INPP4A: variants seen among roughly 807,000 people sequenced by gnomAD.
The protein encoded by INPP4A is inositol polyphosphate-4-phosphatase, type I, 107kD.
In INPP4A, 33 loss-of-function variants were observed where a neutral mutation model predicts 119.8. The observed-to-expected ratio is 0.28, with a 90% CI of 0.21 to 0.37. The LOEUF (loss-of-function observed/expected upper bound fraction) is 0.37. Among genes scored for constraint, INPP4A ranks in the 10% least tolerant of loss-of-function variants. The probability of loss-of-function intolerance (pLI) is 1.00; values close to 1 mark genes in which losing one functional copy is unlikely to be tolerated. For synonymous variants in INPP4A, 496 were observed against 500.7 expected, an observed-to-expected ratio of 0.99 and a Z score of 0.12; for missense variants, 956 against 1,289.9, an observed-to-expected ratio of 0.74 and a Z score of 3.97.
At chr2:98,473,388 A>C (rs1187360933) in intron 1 of INPP4A, among the ~76,000 whole-genome samples, 1 of 73,676 alleles carries the variant, frequency 1.4e-5, no homozygotes, top group East Asian at 3.9e-4. Flanking sequence ...GGAGAGTGAG[A>C]AGGGCAGTGT....
chr2:98,587,460 CTTG>C lies in INPP4A; in HGVS notation c.2787-13_2787-11del, dbSNP rs771436323. ...TTTTTTACTGCCGTCATTTCTTGTG[CTTG>C]TTTTTTCCCCAGTGAGGGTTGTCGA... On this transcript the variant is annotated splice_polypyrimidine_tract_variant and intron_variant, in intron 24 of 24. Transcript: ENST00000409851. The C allele has an allele frequency of 2.6e-6, 4 of 1,556,552 alleles. No individual in the cohort carries two copies. Among genetic ancestry groups the C allele is most frequent in the African/African-American group, 1.4e-5 (1 of 71,768 alleles).
intron 4 of INPP4A, among the ~76,000 whole-genome samples, chr2:98,523,488 G>GGGTTC (rs1687623112): frequency 6.6e-6 from 1 of 151,488 alleles, no homozygotes; most frequent in African/African-American, 2.4e-5. Flanking sequence ...TCCGCCTCCT[G>GGGTTC]GGTTCATGTC....
intron 21 of INPP4A, among the ~76,000 whole-genome samples, 189 bp from the exon 22 acceptor site, chr2:98,568,382 G>A (rs75962852): frequency 1.3e-5 from 2 of 152,332 alleles, no homozygotes; most frequent in East Asian, 3.9e-4. Flanking sequence ...CCTGCCAATG[G>A]AATGCATTTA....
At chr2:98,553,114 A>G (rs1693826626) in intron 14 of INPP4A, 145 bp downstream of exon 14, 2 of 686,530 alleles carry the variant, frequency 2.9e-6, no homozygotes, top group Non-Finnish European at 2.4e-6. Flanking sequence ...TCCATTTCGC[A>G]CAAAGGCCCA....
intron 1 of INPP4A, among the ~76,000 whole-genome samples, chr2:98,474,060 A>G (rs1462060834): frequency 6.6e-6 from 1 of 152,210 alleles, no homozygotes; most frequent in African/African-American, 2.4e-5. Flanking sequence ...ATATACAGAC[A>G]TGGACGTTTT....
intron 1 of INPP4A, among the ~76,000 whole-genome samples, chr2:98,497,059 A>G (rs934561836): frequency 6.6e-6 from 1 of 152,168 alleles, no homozygotes; most frequent in Admixed American, 6.6e-5. Context: ...TCTCTGCTTC[A>G]CTGTTGATAT....
chr2:98,565,505 G>C (rs1400957173), intron 19 of INPP4A, 135 bp from the exon 20 acceptor site: 3 of 864,530 alleles, frequency 3.5e-6, no homozygotes, highest in Non-Finnish European at 5.1e-6. Flanking sequence ...AAGAGGCTCA[G>C]AGACTCCCCC....
At chr2:98,576,452 A>C (rs1416834380) in intron 23 of INPP4A, among the ~76,000 whole-genome samples, 2 of 152,170 alleles carry the variant, frequency 1.3e-5, no homozygotes, top group Non-Finnish European at 2.9e-5. Context: ...AGGTGGCCAA[A>C]GGGCAGTGCA....
intron 1 of INPP4A, among the ~76,000 whole-genome samples, chr2:98,491,257 A>G (rs1236911682): frequency 6.6e-6 from 1 of 152,202 alleles, no homozygotes; most frequent in African/African-American, 2.4e-5. Context: ...ATTTTCAGCA[A>G]CCACTTCCCT....
chr2:98,465,418 G>T (rs535303569), intron 1 of INPP4A, among the ~76,000 whole-genome samples: 2 of 152,360 alleles, frequency 1.3e-5, no homozygotes, highest in South Asian at 4.1e-4. Flanking sequence ...GGGCCTACCA[G>T]TGTAATCTAG....
intron 1 of INPP4A, among the ~76,000 whole-genome samples, chr2:98,499,599 C>T (rs1682705429): frequency 6.6e-6 from 1 of 152,194 alleles, no homozygotes; most frequent in Admixed American, 6.5e-5. Context: ...TCCCTTTATT[C>T]TAAACCACAC....
intron 10 of INPP4A, among the ~76,000 whole-genome samples, chr2:98,542,010 T>A (rs777799148): frequency 5.9e-5 from 9 of 152,242 alleles, no homozygotes; most frequent in Non-Finnish European, 8.8e-5. Flanking sequence ...GGATGTTGGT[T>A]GGAAACAGAA....
At chr2:98,463,749 G>A (rs779086220) in intron 1 of INPP4A, among the ~76,000 whole-genome samples, 6 of 152,350 alleles carry the variant, frequency 3.9e-5, no homozygotes, top group Non-Finnish European at 5.9e-5. Context: ...GCCCCTGTGC[G>A]GGATTTAGGG....
rs544522785 is a variant in INPP4A at position 98,545,690 on chromosome 2, CAGCATCGTTACCAT to C, written c.950-275_950-262del. On this transcript the variant is annotated intron_variant, in intron 11 of 24. Coordinates refer to ENST00000409851, the MANE Select transcript of INPP4A (RefSeq NM_001134225.2). ...GTAGAGAGCTGAGTCACGGAAGGCG[CAGCATCGTTACCAT>C]AGCTTTTTGAAGCCGGTTCTCCCTG... Among the ~76,000 whole-genome samples the C allele has an allele frequency of 1.6e-4, 24 of 152,290 alleles. No individual in the cohort carries two copies. In the East Asian group the frequency reaches 4.4e-3, roughly 28 times the overall value.
chr2:98,531,420 T>A (rs138760301), intron 4 of INPP4A, among the ~76,000 whole-genome samples: 2 of 151,842 alleles, frequency 1.3e-5, no homozygotes, highest in South Asian at 2.1e-4. Context: ...TAGTGAGAGG[T>A]CTAATGTTAC....
chr2:98,525,886 G>A (rs1688096725), intron 4 of INPP4A, among the ~76,000 whole-genome samples: 1 of 152,198 alleles, frequency 6.6e-6, no homozygotes, highest in East Asian at 1.9e-4. Flanking sequence ...GCTGGTGGGA[G>A]TGGAAAATGA....
At chr2:98,507,161 G>GACC (rs1163555162) in intron 1 of INPP4A, among the ~76,000 whole-genome samples, 1 of 152,228 alleles carries the variant, frequency 6.6e-6, no homozygotes, top group African/African-American at 2.4e-5. Context: ...CAGGCTGGGT[G>GACC]ACGGTAGAGG....
At chr2:98,534,101 ATTTC>A (rs774236352) in intron 5 of INPP4A, among the ~76,000 whole-genome samples, 13 of 152,272 alleles carry the variant, frequency 8.5e-5, no homozygotes, top group Non-Finnish European at 1.9e-4. Flanking sequence ...CTTAAACTGC[ATTTC>A]TTCTTCTTCA....
chr2:98,568,957 C>A, intron 22 of INPP4A: 1 of 325,856 alleles, frequency 3.1e-6, no homozygotes, highest in Non-Finnish European at 5.8e-6. Flanking sequence ...GCATTGTGCA[C>A]CTCCTGGTAG....
Sources: gnomAD v4.1 joint callset for allele counts (sites outside exome capture counted in the v4.1 genomes callset) on GRCh38, gnomAD v4.1.1 for gene constraint, MANE v1.5 for transcripts, NCBI Gene and HGNC (gene_info 2026-07-23, HGNC 2026-07-21) for gene names.